Variants in MYT1L observed in about 807,000 individuals in gnomAD.
MYT1L encodes the protein myelin transcription factor 1-like protein.
Under a neutral mutation model 126.7 loss-of-function variants are expected in MYT1L, and 12 were observed. That is an observed-to-expected ratio of 0.09 (90% confidence interval 0.06 to 0.15). The LOEUF (loss-of-function observed/expected upper bound fraction) is 0.15. Among genes scored for constraint, MYT1L ranks in the 10% least tolerant of loss-of-function variants. MYT1L has a pLI of 1.00. For synonymous variants in MYT1L, 541 were observed against 604.2 expected, an observed-to-expected ratio of 0.90 and a Z score of 1.53; for missense variants, 979 against 1,585.2, an observed-to-expected ratio of 0.62 and a Z score of 6.49.
At chr2:2,005,959 C>T (rs547983767) in intron 4 of MYT1L, among the ~76,000 whole-genome samples, 12 of 149,122 alleles carry the variant, frequency 8.0e-5, no homozygotes, top group South Asian at 2.2e-4. Context: ...TTCCTGAATG[C>T]GTTCTTTCCT....
intron 2 of MYT1L, among the ~76,000 whole-genome samples, chr2:2,245,327 G>A (rs2094513932): frequency 6.6e-6 from 1 of 152,004 alleles, no homozygotes; most frequent in South Asian, 2.1e-4. Context: ...TAGAGTCCTG[G>A]AGAAGGAGGT....
chr2:1,866,523 G>C (rs1188084730), intron 18 of MYT1L, among the ~76,000 whole-genome samples: 1 of 139,552 alleles, frequency 7.2e-6, no homozygotes, highest in East Asian at 2.3e-4. Context: ...GGGAGAGAGA[G>C]AGTTGGGAGG....
intron 4 of MYT1L, among the ~76,000 whole-genome samples, chr2:1,998,739 T>C (rs2062092495): frequency 6.6e-6 from 1 of 152,172 alleles, no homozygotes; most frequent in Admixed American, 6.5e-5. Flanking sequence ...ACCCCTCCTT[T>C]GGATACGATA....
chr2:1,817,102 C>T (rs2037780563), intron 21 of MYT1L: 1 of 152,230 alleles, frequency 6.6e-6, no homozygotes, highest in Non-Finnish European at 1.5e-5. Flanking sequence ...CAAAAAGGCC[C>T]ATTTTCTCAT....
chr2:1,985,049 G>T (rs781715071), intron 5 of MYT1L, among the ~76,000 whole-genome samples: 5 of 152,138 alleles, frequency 3.3e-5, no homozygotes, highest in Non-Finnish European at 7.3e-5. Flanking sequence ...GGACATGGGG[G>T]CTTGGACTGC....
intron 2 of MYT1L, among the ~76,000 whole-genome samples, chr2:2,236,760 CTTCTTCT>C (rs2094319436): frequency 6.1e-5 from 1 of 16,270 alleles, no homozygotes. Context: ...GTTGTCCTTT[CTTCTTCT>C]TCTTCTTCTT....
At chr2:2,017,183 C>T (rs748720301) in intron 4 of MYT1L, among the ~76,000 whole-genome samples, 4 of 152,216 alleles carry the variant, frequency 2.6e-5, no homozygotes, top group Admixed American at 6.5e-5. Flanking sequence ...AGAGACTCAA[C>T]GCTCCCTGCT....
At chr2:2,136,382 A>G (rs1035430168) in intron 3 of MYT1L, among the ~76,000 whole-genome samples, 8 of 152,214 alleles carry the variant, frequency 5.3e-5, no homozygotes, top group African/African-American at 1.4e-4. Flanking sequence ...CAGGTCTGAT[A>G]TCCAGGAAAC....
At chr2:2,114,185 G>T (rs369162976) in intron 3 of MYT1L, among the ~76,000 whole-genome samples, 1 of 152,238 alleles carries the variant, frequency 6.6e-6, no homozygotes, top group Non-Finnish European at 1.5e-5. Context: ...GTAGGCAAAT[G>T]ATCATCTGAC....
intron 2 of MYT1L, among the ~76,000 whole-genome samples, chr2:2,216,454 T>G (rs1254963583): frequency 2.6e-5 from 4 of 152,158 alleles, no homozygotes; most frequent in Non-Finnish European, 5.9e-5. Context: ...TTGAAAGTAT[T>G]TTCAACTGGA....
intron 8 of MYT1L, among the ~76,000 whole-genome samples, 191 bp downstream of exon 8, chr2:1,978,974 C>T (rs898769233): frequency 1.3e-5 from 2 of 152,026 alleles, no homozygotes; most frequent in East Asian, 1.9e-4. Flanking sequence ...ATTCTGCCCA[C>T]GAGATCGAAC....
intron 3 of MYT1L, among the ~76,000 whole-genome samples, chr2:2,083,261 C>T (rs768963495): frequency 5.9e-5 from 9 of 152,254 alleles, no homozygotes; most frequent in Non-Finnish European, 1.2e-4. Flanking sequence ...ATGCAAATCC[C>T]CCACTCAGCT....
chr2:2,300,508 G>A (rs1441217874), intron 1 of MYT1L, among the ~76,000 whole-genome samples: 3 of 152,146 alleles, frequency 2.0e-5, no homozygotes, highest in Non-Finnish European at 2.9e-5. Flanking sequence ...TCATTAGTGT[G>A]AGGCACAAAT....
At chr2:1,860,512 G>C (rs2044455928) in intron 18 of MYT1L, among the ~76,000 whole-genome samples, 1 of 152,194 alleles carries the variant, frequency 6.6e-6, no homozygotes, top group African/African-American at 2.4e-5. Context: ...GCCTGGGGTC[G>C]CAAGAGAGGT....
At chr2:2,080,659 T>C (rs959968018) in intron 3 of MYT1L, among the ~76,000 whole-genome samples, 5 of 151,986 alleles carry the variant, frequency 3.3e-5, no homozygotes, top group South Asian at 2.1e-4. Flanking sequence ...AGGGTGGCTA[T>C]TGCAAAAAAG....
chr2:1,935,671 C>T (rs891912329), intron 9 of MYT1L, among the ~76,000 whole-genome samples: 10 of 152,152 alleles, frequency 6.6e-5, no homozygotes, highest in African/African-American at 1.9e-4. Flanking sequence ...CTAGGTGACT[C>T]GCTTAGGACA....
At chr2:2,185,579 G>A (rs111408754) in intron 2 of MYT1L, among the ~76,000 whole-genome samples, 1 of 144,814 alleles carries the variant, frequency 6.9e-6, no homozygotes, top group Non-Finnish European at 1.5e-5. Flanking sequence ...CTTCCGTGAG[G>A]GGGACGCAGC....
chr2:1,889,278 G>C lies in MYT1L; in HGVS notation c.2483C>G (p.Pro828Arg). Reference sequence around the variant, plus strand: ...GGACTCGTCCTCGTCTATCCTCCGGGGTTTCATTTTGGTGTAGTCTACGGG... The same window carrying C: ...GGACTCGTCCTCGTCTATCCTCCGGCGTTTCATTTTGGTGTAGTCTACGGG... ...DLPVDYTKMK[P>R]RRIDEDESKD... The change falls in exon 16 of 25, where the codon CCC becomes CGC. Residue 828 changes from proline to arginine, a missense_variant. This residue lies in a region of MYT1L where 141 missense variants were observed against 170.6 expected (regional missense o/e 0.83). Coordinates refer to ENST00000647738, the MANE Select transcript of MYT1L (RefSeq NM_001303052.2). The surrounding 1 kb of genome is among the most constrained non-coding windows in gnomAD (Gnocchi z 4.1). 1 of 1,613,920 alleles carries C rather than the reference G, an allele frequency of 6.2e-7. No individual in the cohort carries two copies. The highest frequency in any genetic ancestry group is 8.5e-7 in the Non-Finnish European group (1 of 1,179,892).
At chr2:2,013,123 A>T (rs1356288346) in intron 4 of MYT1L, among the ~76,000 whole-genome samples, 1 of 152,162 alleles carries the variant, frequency 6.6e-6, no homozygotes, top group Non-Finnish European at 1.5e-5. Flanking sequence ...CAATGGGTGC[A>T]TTTTATGGCA....
Sources: gnomAD v4.1 joint callset for allele counts (sites outside exome capture counted in the v4.1 genomes callset) on GRCh38, gnomAD v4.1.1 for gene constraint, gnomAD v4.1.1 regional missense constraint, Gnocchi (gnomAD v3.1) non-coding constraint, MANE v1.5 for transcripts, NCBI Gene and HGNC (gene_info 2026-07-23, HGNC 2026-07-21) for gene names.